The following CBFB variants were observed in gnomAD, a reference collection of about 807,000 sequenced individuals.
The protein encoded by CBFB is CBF-beta.
In CBFB, 9 loss-of-function variants were observed where a neutral mutation model predicts 30.4. The observed-to-expected ratio is 0.30, with a 90% CI of 0.18 to 0.52. The LOEUF (loss-of-function observed/expected upper bound fraction) is 0.52. Among genes scored for constraint, CBFB ranks in the 20% least tolerant of loss-of-function variants. The pLI, the probability that CBFB is intolerant of heterozygous loss-of-function variation, is 0.97. For synonymous variants in CBFB, 94 were observed against 84.0 expected, an observed-to-expected ratio of 1.12 and a Z score of -0.65; for missense variants, 170 against 244.0, an observed-to-expected ratio of 0.70 and a Z score of 2.02.
intron 3 of CBFB, among the ~76,000 whole-genome samples, chr16:67,054,195 T>C (rs1029179088): frequency 1.3e-5 from 2 of 152,160 alleles, no homozygotes; most frequent in Admixed American, 1.3e-4. Flanking sequence ...TTACGGTCTC[T>C]TTGTGGATAA....
At chr16:67,089,254 TATA>T (rs900731762) in intron 5 of CBFB, among the ~76,000 whole-genome samples, 35 of 152,188 alleles carry the variant, frequency 2.3e-4, no homozygotes, top group Admixed American at 1.8e-3. Flanking sequence ...CAGTACTGTG[TATA>T]ATATCTTACT....
At chr16:67,031,889 C>T (rs1445622562) in intron 2 of CBFB, among the ~76,000 whole-genome samples, 4 of 151,574 alleles carry the variant, frequency 2.6e-5, no homozygotes, top group Non-Finnish European at 5.9e-5. Context: ...TTCACAGGCA[C>T]AATCATGAGG....
chr16:67,066,857 C>T (rs1961074792), intron 4 of CBFB, 59 bp downstream of exon 4: 1 of 952,450 alleles, frequency 1.0e-6, no homozygotes, highest in Non-Finnish European at 1.7e-6. Flanking sequence ...CTTGCCTTTG[C>T]CTGGGGACCT....
At chr16:67,068,158 C>T (rs181563605) in intron 4 of CBFB, among the ~76,000 whole-genome samples, 3 of 152,112 alleles carry the variant, frequency 2.0e-5, no homozygotes, top group African/African-American at 7.2e-5. Context: ...CTATGCTGAT[C>T]CAGGAACAAC....
At chr16:67,050,829 C>G (rs2145730646) in intron 3 of CBFB, among the ~76,000 whole-genome samples, 1 of 152,168 alleles carries the variant, frequency 6.6e-6, no homozygotes, top group East Asian at 1.9e-4. Flanking sequence ...AAGTGGAACA[C>G]TAATAACAAT....
chr16:67,064,021 C>A (rs1960983794), intron 3 of CBFB, among the ~76,000 whole-genome samples: 1 of 152,094 alleles, frequency 6.6e-6, no homozygotes, highest in South Asian at 2.1e-4. Flanking sequence ...ACATTTGGTG[C>A]AGGTAAATGA....
intron 3 of CBFB, among the ~76,000 whole-genome samples, chr16:67,041,019 A>G (rs531169382): frequency 2.6e-5 from 4 of 152,334 alleles, no homozygotes; most frequent in African/African-American, 7.2e-5. Flanking sequence ...ATCAGAAATA[A>G]CAATGAGCCA....
At chr16:67,046,675 G>T (rs1597130151) in intron 3 of CBFB, among the ~76,000 whole-genome samples, 2 of 152,270 alleles carry the variant, frequency 1.3e-5, no homozygotes, top group South Asian at 2.1e-4. Context: ...TGCAGGTAGT[G>T]TTCTAATTGA....
chr16:67,047,147 TAAAA>T (rs765428177), intron 3 of CBFB, among the ~76,000 whole-genome samples: 2 of 134,930 alleles, frequency 1.5e-5, no homozygotes, highest in African/African-American at 5.5e-5. Context: ...CCGTCTCTAC[TAAAA>T]AAAAAAAAAA....
At chr16:67,082,907 TAATA>T (rs1023122513) in intron 5 of CBFB, among the ~76,000 whole-genome samples, 8 of 152,124 alleles carry the variant, frequency 5.3e-5, no homozygotes, top group South Asian at 4.1e-4. Flanking sequence ...TTTAAAATAA[TAATA>T]AATAAAAAAA....
At chr16:67,080,558 A>G (rs560345170) in intron 4 of CBFB, among the ~76,000 whole-genome samples, 4 of 152,336 alleles carry the variant, frequency 2.6e-5, no homozygotes, top group African/African-American at 9.6e-5. Context: ...TTTAGATGCA[A>G]TGAGTCCTGA....
chr16:67,044,454 C>T (rs867985887), intron 3 of CBFB, among the ~76,000 whole-genome samples: 1 of 152,080 alleles, frequency 6.6e-6, no homozygotes, highest in Admixed American at 6.6e-5. Flanking sequence ...ACATTAATGT[C>T]AGACATCGAG....
chr16:67,069,212 C>A (rs1354599696), intron 4 of CBFB, among the ~76,000 whole-genome samples: 1 of 151,646 alleles, frequency 6.6e-6, no homozygotes, highest in Non-Finnish European at 1.5e-5. Flanking sequence ...GAAACTCCAT[C>A]TCAAAAAAAA....
chr16:67,090,758 CAG>C (rs2145781358), intron 5 of CBFB, among the ~76,000 whole-genome samples: 1 of 152,252 alleles, frequency 6.6e-6, no homozygotes, highest in Non-Finnish European at 1.5e-5. Context: ...TCTTTAATGT[CAG>C]AGAATGGGTA....
chr16:67,031,666 A>G (rs892625192), intron 2 of CBFB, among the ~76,000 whole-genome samples: 1 of 151,866 alleles, frequency 6.6e-6, no homozygotes, highest in Non-Finnish European at 1.5e-5. Flanking sequence ...ACACACCACC[A>G]CGCCCGGCTA....
At chr16:67,081,083 C>T (rs937386340) in intron 4 of CBFB, among the ~76,000 whole-genome samples, 1 of 150,840 alleles carries the variant, frequency 6.6e-6, no homozygotes, top group African/African-American at 2.4e-5. Flanking sequence ...GCCACTAACT[C>T]GTCATCTAGC....
chr16:67,086,483 A>G (rs547364861), intron 5 of CBFB, among the ~76,000 whole-genome samples: 4 of 152,186 alleles, frequency 2.6e-5, no homozygotes, highest in Non-Finnish European at 4.4e-5. Context: ...ATCCCATGAG[A>G]TGGAGCCCCT....
intron 4 of CBFB, among the ~76,000 whole-genome samples, chr16:67,073,737 A>C (rs936220150): frequency 7.2e-5 from 11 of 151,758 alleles, no homozygotes; most frequent in Non-Finnish European, 1.6e-4. Flanking sequence ...GTGAGACTCC[A>C]TCTCAAAAAA....
chr16:67,042,331 T>A (rs535895909), intron 3 of CBFB, among the ~76,000 whole-genome samples: 73 of 152,276 alleles, frequency 4.8e-4, no homozygotes, highest in African/African-American at 1.7e-3. Context: ...AATTTTAAAT[T>A]TTTTTGAAGA....
Sources: gnomAD v4.1 joint callset for allele counts (sites outside exome capture counted in the v4.1 genomes callset) on GRCh38, gnomAD v4.1.1 for gene constraint, MANE v1.5 for transcripts, NCBI Gene and HGNC (gene_info 2026-07-23, HGNC 2026-07-21) for gene names.